MID2: variants seen among roughly 807,000 people sequenced by gnomAD.
MID2 encodes the protein midline 2.
In MID2, 13 loss-of-function variants were observed where a neutral mutation model predicts 46.1. The ratio of observed to expected loss-of-function variants is 0.28; its 90% confidence interval spans 0.18 to 0.45. The LOEUF (loss-of-function observed/expected upper bound fraction) is 0.45. Ranked by LOEUF, MID2 falls within the 20% of genes least tolerant of loss-of-function variation. MID2 has a pLI of 1.00. For missense variants in MID2, 431 were observed against 575.4 expected (o/e 0.75, Z 2.57); for synonymous variants, 199 against 212.3 (o/e 0.94, Z 0.55).
intron 5 of MID2, among the ~76,000 whole-genome samples, chrX:107,911,198 A>G (rs1350036820): frequency 9.1e-6 from 1 of 110,428 alleles, no homozygotes; most frequent in Non-Finnish European, 1.9e-5. Context: ...CACTCAGTGA[A>G]TCTTTCTAAT....
At chrX:107,828,292 C>G (rs866122329) in intron 1 of MID2, among the ~76,000 whole-genome samples, 2 of 99,712 alleles carry the variant, frequency 2.0e-5, no homozygotes, top group Admixed American at 1.1e-4. Context: ...CTTTTCTTTT[C>G]TTTTCTTTCT....
At chrX:107,892,085 T>A (rs1012307596) in intron 3 of MID2, among the ~76,000 whole-genome samples, 15 of 112,131 alleles carry the variant, frequency 1.3e-4, no homozygotes, top group Non-Finnish European at 2.8e-4. Context: ...ACAGGGAGTA[T>A]CACGATGGTG....
intron 5 of MID2, among the ~76,000 whole-genome samples, chrX:107,908,696 TAA>T (rs770825707): frequency 1.9e-4 from 13 of 66,982 alleles, no homozygotes; most frequent in Non-Finnish European, 1.5e-4. Flanking sequence ...AGATTCCATC[TAA>T]AAAAAAAAAA....
chrX:107,915,428 GC>G (rs201189622), intron 5 of MID2, among the ~76,000 whole-genome samples: 2,518 of 110,109 alleles, frequency 0.023, 75 homozygotes, highest in African/African-American at 0.078. Flanking sequence ...GTGGTGGCGG[GC>G]CACCAGCTAG....
chrX:107,922,596 C>G (rs768398947), intron 7 of MID2, among the ~76,000 whole-genome samples: 1 of 111,946 alleles, frequency 8.9e-6, no homozygotes, highest in African/African-American at 3.2e-5. Context: ...TGTGGATAAC[C>G]AACTTCATGA....
At chrX:107,921,086 G>A (rs996590036) in intron 7 of MID2, among the ~76,000 whole-genome samples, 1 of 111,641 alleles carries the variant, frequency 9.0e-6, no homozygotes, top group African/African-American at 3.2e-5. Flanking sequence ...ACCCAATATT[G>A]TCCTTTATAG....
At chrX:107,847,495 A>G (rs754622489) in intron 2 of MID2, among the ~76,000 whole-genome samples, 310 of 111,953 alleles carry the variant, frequency 2.8e-3, no homozygotes, top group Middle Eastern at 9.3e-3. Context: ...GTGAATGACT[A>G]TGATGATTAT....
chrX:107,926,470 A>G (rs965978002), intron 9 of MID2, 169 bp downstream of exon 9: 2 of 603,082 alleles, frequency 3.3e-6, no homozygotes, highest in African/African-American at 4.6e-5. Flanking sequence ...TGGAAAATAT[A>G]CTGGGCTAGG....
intron 3 of MID2, among the ~76,000 whole-genome samples, chrX:107,892,023 G>A (rs1678589856): frequency 9.0e-6 from 1 of 111,681 alleles, no homozygotes; most frequent in South Asian, 3.8e-4. Flanking sequence ...TTAGCTATGA[G>A]AGTTCAAATT....
Position 107,904,208 on chromosome X carries a change from C to G in MID2, c.924+143C>G. The G allele has an allele frequency of 6.1e-6, 3 of 490,812 alleles. No homozygotes were observed. In the Admixed American group the frequency reaches 9.7e-5, roughly 16 times the overall value. 40.4% of individuals were successfully genotyped at this position (490,812 alleles called of 1,213,427 possible). A position where few individuals can be genotyped will look rare whatever the true frequency, so the allele number is the denominator to read the frequency against. On this transcript the variant is annotated intron_variant, in intron 4 of 9. Coordinates refer to ENST00000262843, the MANE Select transcript of MID2 (RefSeq NM_012216.4). ...AGGCAAAGAAGTGATGTTTGGCCTACTGCTCTGAATCCAGTAAAAACGATG... is the reference window on the plus strand; with the variant it reads ...AGGCAAAGAAGTGATGTTTGGCCTAGTGCTCTGAATCCAGTAAAAACGATG...
chrX:107,905,588 G>C lies in MID2; in HGVS notation c.1035G>C (p.Gln345His), dbSNP rs933126575. The C allele has an allele frequency of 7.5e-6, 9 of 1,204,910 alleles. No individual in the cohort carries two copies. In the African/African-American group the frequency reaches 1.6e-4, roughly 21 times the overall value. The change falls in exon 5 of 10, where the codon CAG becomes CAC. Residue 345 changes from glutamine (Q) to histidine (H), a missense_variant. By Grantham distance (24) the Gln-to-His change is conservative (BLOSUM62 0). Coordinates refer to ENST00000262843, the MANE Select transcript of MID2 (RefSeq NM_012216.4). The stretch of plus-strand genomic sequence containing the variant: ...AGCATATCCTGAAAGAAAATGACCA[G>C]GCACGGTTTCTACAGTCTGCAAAAA... ...QAEHILKEND[Q>H]ARFLQSAKNI...
At chrX:107,892,275 G>A (rs922606479) in intron 3 of MID2, among the ~76,000 whole-genome samples, 1 of 111,948 alleles carries the variant, frequency 8.9e-6, no homozygotes, top group African/African-American at 3.2e-5. Flanking sequence ...TGAAAAGGAT[G>A]GCCTTGGAAA....
rs914097318 is a variant in MID2, at chrX:107,902,686, G to T, written c.817-1272G>T. The stretch of plus-strand genomic sequence containing the variant: ...GAGAGAGGGGGTAGTAGGGTCCAGT[G>T]ACAGGTATTTTGCTCGGGTTGGAGA... On this transcript the variant is annotated intron_variant, in intron 3 of 9. Transcript: ENST00000262843. Among the ~76,000 whole-genome samples, 3 of 111,577 alleles carry T rather than the reference G, an allele frequency of 2.7e-5. No individual in the cohort carries two copies. In the Admixed American group the frequency reaches 2.8e-4, roughly 11 times the overall value.
At chrX:107,837,178 A>T (rs1931227288) in intron 1 of MID2, among the ~76,000 whole-genome samples, 1 of 112,392 alleles carries the variant, frequency 8.9e-6, no homozygotes, top group Admixed American at 9.4e-5. Flanking sequence ...CTGACTTGGA[A>T]ATAAATTTTA....
intron 3 of MID2, among the ~76,000 whole-genome samples, chrX:107,866,330 T>C (rs1162766280): frequency 9.0e-6 from 1 of 110,722 alleles, no homozygotes; most frequent in African/African-American, 3.3e-5. Flanking sequence ...AAATTGCATA[T>C]TGTCTGCAGG....
chrX:107,847,393 T>C (rs761802164), intron 2 of MID2, among the ~76,000 whole-genome samples: 29 of 111,503 alleles, frequency 2.6e-4, no homozygotes, highest in South Asian at 1.1e-3. Context: ...AAGGATATCA[T>C]TGAGTTCAAA....
At chrX:107,875,591 G>T (rs1404486436) in intron 3 of MID2, among the ~76,000 whole-genome samples, 1 of 111,391 alleles carries the variant, frequency 9.0e-6, no homozygotes, top group Admixed American at 9.5e-5. Context: ...GTCTTCACTA[G>T]GGGGAGACAA....
Position 107,826,024 on chromosome X carries a change from C to G in MID2, c.-403C>G. On this transcript the variant is annotated 5_prime_UTR_variant, in exon 1 of 10. Transcript: ENST00000262843. ...CTCCCTTGGGGTGTCAGCCCCAGCC[C>G]CGTTTGCCCCCACTCCGCCTCCCTT... The G allele has an allele frequency of 3.4e-6, 1 of 291,860 alleles. No individual in the cohort carries two copies. The highest frequency in any genetic ancestry group is 6.0e-6 in the Non-Finnish European group (1 of 166,548). 24.1% of individuals were successfully genotyped at this position (291,860 alleles called of 1,213,427 possible). A position where few individuals can be genotyped will look rare whatever the true frequency, so the allele number is the denominator to read the frequency against.
At chrX:107,854,914 G>T (rs1314233653) in intron 3 of MID2, among the ~76,000 whole-genome samples, 3 of 111,527 alleles carry the variant, frequency 2.7e-5, no homozygotes, top group Non-Finnish European at 5.7e-5. Context: ...GATGGACAGT[G>T]GGGGGATAAT....
Sources: allele counts gnomAD v4.1 joint callset (sites outside exome capture counted in the v4.1 genomes callset), GRCh38; gene constraint gnomAD v4.1.1; transcripts MANE v1.5; gene names NCBI Gene and HGNC (gene_info 2026-07-23, HGNC 2026-07-21).